The following ZRANB2 variants were observed in gnomAD, a reference collection of about 807,000 sequenced individuals.
The protein encoded by ZRANB2 is zinc finger RANBP2-type containing 2.
ZRANB2 carries 19 observed loss-of-function variants against 53.4 expected under a neutral mutation model. The observed-to-expected ratio is 0.36, with a 90% CI of 0.25 to 0.52. The LOEUF (loss-of-function observed/expected upper bound fraction) is 0.52, where lower values mean the gene tolerates loss of function less well. Ranked by LOEUF, ZRANB2 falls within the 20% of genes least tolerant of loss-of-function variation. ZRANB2 has a pLI of 0.93. For synonymous variants in ZRANB2, 145 were observed against 134.8 expected (o/e 1.08, Z -0.52); for missense variants, 309 against 401.1 (o/e 0.77, Z 1.96).
intron 1 of ZRANB2, among the ~76,000 whole-genome samples, chr1:71,079,886 G>C (rs938220276): frequency 6.6e-6 from 1 of 151,950 alleles, no homozygotes; most frequent in Non-Finnish European, 1.5e-5. Flanking sequence ...TGTTAGGCTT[G>C]AACTACTCCT....
At chr1:71,072,787 C>A (rs902484992) in intron 4 of ZRANB2, among the ~76,000 whole-genome samples, 1 of 152,072 alleles carries the variant, frequency 6.6e-6, no homozygotes, top group South Asian at 2.1e-4. Context: ...CCCTACATGA[C>A]TTATTTAATT....
chr1:71,078,258 A>C (rs1426986830), intron 3 of ZRANB2, among the ~76,000 whole-genome samples, 199 bp downstream of exon 3: 1 of 152,172 alleles, frequency 6.6e-6, no homozygotes, highest in African/African-American at 2.4e-5. Flanking sequence ...CATAGTGACA[A>C]CTATTACCAT....
chr1:71,067,843 G>T, intron 8 of ZRANB2: 2 of 317,766 alleles, frequency 6.3e-6, no homozygotes, highest in Non-Finnish European at 1.2e-5. Context: ...ACTAAATAAT[G>T]GTAACAATAA....
rs1156668645 is a variant in ZRANB2 at position 71,064,535 on chromosome 1, G to A, written c.*539C>T. 1 of 152,464 alleles carries A rather than the reference G, an allele frequency of 6.6e-6. No homozygotes were observed. The highest frequency in any genetic ancestry group is 2.4e-5 in the African/African-American group (1 of 41,438). The allele number at this position is 152,464 out of a possible 1,614,324, so 9.4% of individuals were successfully genotyped here. A position where few individuals can be genotyped will look rare whatever the true frequency, so the allele number is the denominator to read the frequency against. On this transcript the variant is annotated 3_prime_UTR_variant, in exon 10 of 10. Transcript: ENST00000370920. ...TAAAGCTGGATAAAAGAGACACAAT[G>A]ATTCTAAGGCACCCTTAGCATAGGG...
rs575331901 is a variant in ZRANB2 at position 71,064,680 on chromosome 1, T to C, written c.*394A>G. ...GCTGACTTTCTTTTCCATAAGTATG[T>C]TGTTTCCAACTAGTTTCCAGTCTTT... On this transcript the variant is annotated 3_prime_UTR_variant, in exon 10 of 10. Coordinates refer to ENST00000370920, the MANE Select transcript of ZRANB2 (RefSeq NM_203350.3). 3.8e-5 allele frequency: 6 copies of C among 156,010 alleles called. No homozygotes were observed. Among genetic ancestry groups the C allele is most frequent in the African/African-American group, 1.4e-4 (6 of 41,678 alleles). The allele number at this position is 156,010 out of a possible 1,614,324, so 9.7% of individuals were successfully genotyped here. A position where few individuals can be genotyped will look rare whatever the true frequency, so the allele number is the denominator to read the frequency against.
At chr1:71,065,221 C>T in intron 9 of ZRANB2, 84 bp from the exon 10 acceptor site, 1 of 1,100,872 alleles carries the variant, frequency 9.1e-7, no homozygotes, top group Non-Finnish European at 1.3e-6. Context: ...TGAAAGTATA[C>T]AAAATTCAGT....
intron 7 of ZRANB2, among the ~76,000 whole-genome samples, chr1:71,070,042 C>T (rs1214978734): frequency 6.6e-6 from 1 of 152,048 alleles, no homozygotes; most frequent in Non-Finnish European, 1.5e-5. Context: ...TATAGCCCCA[C>T]TTTGTTAAGC....
At chr1:71,078,091 A>G (rs1661748675) in intron 3 of ZRANB2, among the ~76,000 whole-genome samples, 1 of 152,206 alleles carries the variant, frequency 6.6e-6, no homozygotes, top group Non-Finnish European at 1.5e-5. Flanking sequence ...AAACAGGCAA[A>G]ATGAGTTTTG....
rs1661834854 is a variant in ZRANB2, at chr1:71,081,003, G to A, written c.-8C>T. Reference sequence around the variant, plus strand: ...GAAATTCTTGGTCGACATCTTGAACGCCACCAGCACAGCCACCCGCAGCTA... The same window carrying A: ...GAAATTCTTGGTCGACATCTTGAACACCACCAGCACAGCCACCCGCAGCTA... On this transcript the variant is annotated 5_prime_UTR_variant, in exon 1 of 10. Transcript: ENST00000370920. The A allele has an allele frequency of 3.1e-6, 5 of 1,613,904 alleles. No homozygotes were observed. In the African/African-American group the frequency reaches 4.0e-5, roughly 13 times the overall value.
intron 4 of ZRANB2, 54 bp downstream of exon 4, chr1:71,076,741 C>G (rs569933243): frequency 3.0e-6 from 4 of 1,313,026 alleles, no homozygotes; most frequent in African/African-American, 2.9e-5. Flanking sequence ...ATTATCGTTT[C>G]AATATTTAGT....
At position 71,068,145 on chromosome 1, in the gene ZRANB2, G is replaced by A. The variant is rs188513664; in HGVS notation, c.770+1131C>T. Among the ~76,000 whole-genome samples, 609 of 152,260 alleles carry A rather than the reference G, an allele frequency of 4.0e-3. 3 individuals carry two copies. Among genetic ancestry groups the A allele is most frequent in the Non-Finnish European group, 7.0e-3 (476 of 68,010 alleles). ...CTCCCAAGGTATTGGGATTACAGGC[G>A]TGAGCCACTGAGCCTGGCCTTGTTA... is the stretch of plus-strand genomic sequence containing the variant. On this transcript the variant is annotated intron_variant, in intron 8 of 9. Transcript: ENST00000370920.
chr1:71,079,482 G>A (rs560535848), intron 1 of ZRANB2, among the ~76,000 whole-genome samples: 16 of 152,220 alleles, frequency 1.1e-4, no homozygotes, highest in African/African-American at 3.4e-4. Context: ...GATTTTTAAG[G>A]CATTATACTA....
chr1:71,072,035 C>A (rs543557378), intron 6 of ZRANB2, 86 bp downstream of exon 6: 21 of 1,509,692 alleles, frequency 1.4e-5, no homozygotes, highest in Non-Finnish European at 1.7e-5. Flanking sequence ...TATATTTTCA[C>A]CAAGTGTCTG....
chr1:71,071,691 T>C (rs1661596541), intron 6 of ZRANB2, among the ~76,000 whole-genome samples: 1 of 152,112 alleles, frequency 6.6e-6, no homozygotes, highest in Non-Finnish European at 1.5e-5. Flanking sequence ...AGGGAACCCG[T>C]ATTTGCTGTT....
rs371652350 is a variant in ZRANB2, at chr1:71,069,380, G to A, written c.684-18C>T. On this transcript the variant is annotated intron_variant, in intron 7 of 9. Transcript: ENST00000370920. Reference sequence around the variant, plus strand: ...AACGGGACCTGGAACAACATGGAACGATTTTTTTTTTCCAGGACCATTTAA... The same window carrying A: ...AACGGGACCTGGAACAACATGGAACAATTTTTTTTTTCCAGGACCATTTAA... 2.6e-5 allele frequency: 41 copies of A among 1,605,568 alleles called. No individual in the cohort carries two copies. The highest frequency in any genetic ancestry group is 6.7e-5 in the East Asian group (3 of 44,716).
In ZRANB2 at chr1:71,066,756, A is replaced by G; in HGVS notation, c.929+20T>C. ...AACACACTTAAGAACACCCATTCTTATTTCTACAGAAACCCAAACCTTTCG... is the reference window on the plus strand; with the variant it reads ...AACACACTTAAGAACACCCATTCTTGTTTCTACAGAAACCCAAACCTTTCG... On this transcript the variant is annotated intron_variant, in intron 9 of 9. Coordinates refer to ENST00000370920, the MANE Select transcript of ZRANB2 (RefSeq NM_203350.3). 1 of 1,607,234 alleles carries G rather than the reference A, an allele frequency of 6.2e-7. No individual in the cohort carries two copies. Among genetic ancestry groups the G allele is most frequent in the Non-Finnish European group, 8.5e-7 (1 of 1,177,948 alleles).
At position 71,070,854 on chromosome 1, in the gene ZRANB2, G is replaced by A. The variant is rs774634279; in HGVS notation, c.656C>T (p.Ser219Phe). 1.9e-6 allele frequency: 3 copies of A among 1,602,096 alleles called. No homozygotes were observed. Among genetic ancestry groups the A allele is most frequent in the South Asian group, 2.2e-5 (2 of 89,474 alleles). The change falls in exon 7 of 10, where the codon TCC becomes TTC. Residue 219 changes from serine to phenylalanine, a missense_variant. Around this residue, in one of 3 missense-constraint regions of ZRANB2, gnomAD observed 211 missense variants for 196.1 expected, o/e 1.08. Coordinates refer to ENST00000370920, the MANE Select transcript of ZRANB2 (RefSeq NM_203350.3). ...GGACCTAGACCTTGAACTTGAGGGG[G>A]AGGATGAGCGTGATGAAGATCGTGA... ...SHSRSSSRSS[S>F]PSSSRSRSRS...
intron 7 of ZRANB2, among the ~76,000 whole-genome samples, chr1:71,070,449 A>C (rs1311272673): frequency 6.6e-6 from 1 of 152,084 alleles, no homozygotes; most frequent in Non-Finnish European, 1.5e-5. Context: ...AATGCCTAGA[A>C]AATTTCTGTG....
At chr1:71,072,785 GAC>G (rs1661622720) in intron 4 of ZRANB2, among the ~76,000 whole-genome samples, 4 of 152,036 alleles carry the variant, frequency 2.6e-5, no homozygotes, top group African/African-American at 9.7e-5. Flanking sequence ...TGCCCTACAT[GAC>G]TTATTTAATT....
Sources: allele counts gnomAD v4.1 joint callset (sites outside exome capture counted in the v4.1 genomes callset), GRCh38; gene constraint gnomAD v4.1.1; regional missense constraint gnomAD v4.1.1; transcripts MANE v1.5; gene names NCBI Gene and HGNC (gene_info 2026-07-23, HGNC 2026-07-21).